INSR: variants seen among roughly 807,000 people sequenced by gnomAD.
INSR encodes the protein IR.
INSR carries 67 observed loss-of-function variants against 142.6 expected under a neutral mutation model. The observed-to-expected ratio is 0.47, with a 90% CI of 0.39 to 0.58. The LOEUF is 0.58. Ranked by LOEUF, INSR falls within the 20% of genes least tolerant of loss-of-function variation. The probability of loss-of-function intolerance (pLI) is 0.00; values close to 1 mark genes in which losing one functional copy is unlikely to be tolerated. For missense variants in INSR, 1,248 were observed against 1,833.2 expected, an observed-to-expected ratio of 0.68 and a Z score of 5.83; for synonymous variants, 756 against 743.1, an observed-to-expected ratio of 1.02 and a Z score of -0.28.
chr19:7,292,817 G>A (rs1178040828), intron 1 of INSR, among the ~76,000 whole-genome samples: 1 of 152,120 alleles, frequency 6.6e-6, no homozygotes, highest in Non-Finnish European at 1.5e-5. Context: ...CGTGGGAGAG[G>A]GGCCCATGGG....
chr19:7,115,939 C>T lies in INSR; in HGVS notation c.*1117G>A, dbSNP rs1330157345. 1.3e-5 allele frequency: 2 copies of T among 152,228 alleles called. No individual in the cohort carries two copies. Among genetic ancestry groups the T allele is most frequent in the Admixed American group, 1.3e-4 (2 of 15,262 alleles). The allele number at this position is 152,228 out of a possible 1,614,324, so 9.4% of individuals were successfully genotyped here. A position where few individuals can be genotyped will look rare whatever the true frequency, so the allele number is the denominator to read the frequency against. On this transcript the variant is annotated 3_prime_UTR_variant, in exon 22 of 22. Coordinates refer to ENST00000302850, the MANE Select transcript of INSR (RefSeq NM_000208.4). ...ACTTGTGCCTGACTCCCTCCCCTTC[C>T]CGGCCCCACAACAGGCAGACCAACT...
At position 7,207,693 on chromosome 19, in the gene INSR, C is replaced by G. The variant is rs976577759; in HGVS notation, c.653-23056G>C. Among the ~76,000 whole-genome samples the G allele has an allele frequency of 3.3e-5, 5 of 151,986 alleles. 1 individual carries two copies. The highest frequency in any genetic ancestry group is 4.1e-4 in the South Asian group (2 of 4,824). Reference sequence around the variant, plus strand: ...ATCCCAGCACTTTGGGAGGCTGAGGCAGGAGGATCGCTTAAGACCAGAAGT... The same window carrying G: ...ATCCCAGCACTTTGGGAGGCTGAGGGAGGAGGATCGCTTAAGACCAGAAGT... On this transcript the variant is annotated intron_variant, in intron 2 of 21. Transcript: ENST00000302850.
intron 3 of INSR, 118 bp from the exon 4 acceptor site, chr19:7,174,849 G>A: frequency 9.7e-7 from 1 of 1,027,644 alleles, no homozygotes; most frequent in Non-Finnish European, 1.4e-6. Context: ...TTGTGTGTGT[G>A]TGTGTGTTTG....
chr19:7,122,212 G>A (rs934386703), intron 19 of INSR, among the ~76,000 whole-genome samples: 32 of 151,556 alleles, frequency 2.1e-4, no homozygotes, highest in African/African-American at 7.8e-4. Flanking sequence ...GGGAGGCCGA[G>A]GCAGGAGGAT....
At chr19:7,239,957 C>T (rs976708083) in intron 2 of INSR, among the ~76,000 whole-genome samples, 10 of 152,050 alleles carry the variant, frequency 6.6e-5, no homozygotes, top group South Asian at 2.1e-4. Context: ...TTTTTTGAGA[C>T]GGAGTCTCAC....
intron 1 of INSR, among the ~76,000 whole-genome samples, chr19:7,281,422 C>T (rs1483824301): frequency 6.6e-6 from 1 of 152,114 alleles, no homozygotes; most frequent in Non-Finnish European, 1.5e-5. Context: ...CATCTGCAAT[C>T]CCAGTGCTTT....
chr19:7,131,199 T>C (rs1326536411), intron 14 of INSR, among the ~76,000 whole-genome samples: 1 of 150,784 alleles, frequency 6.6e-6, no homozygotes, highest in East Asian at 2.0e-4. Flanking sequence ...TTTATTGCAG[T>C]GTAAGTACAG....
intron 2 of INSR, among the ~76,000 whole-genome samples, chr19:7,206,296 T>C (rs1247407572): frequency 6.6e-6 from 1 of 152,038 alleles, no homozygotes; most frequent in African/African-American, 2.4e-5. Flanking sequence ...GCCTCCCAAG[T>C]AGCTGGGACT....
chr19:7,156,786 T>C (rs1235319352), intron 9 of INSR, among the ~76,000 whole-genome samples: 6 of 133,408 alleles, frequency 4.5e-5, no homozygotes, highest in African/African-American at 1.7e-4. Context: ...TTCTCTCTTT[T>C]TTTTTTTTTT....
At chr19:7,130,952 C>T (rs927680349) in intron 14 of INSR, among the ~76,000 whole-genome samples, 4 of 149,130 alleles carry the variant, frequency 2.7e-5, no homozygotes, top group African/African-American at 5.1e-5. Flanking sequence ...GATGTCGGCT[C>T]ACTGCAACCT....
intron 2 of INSR, among the ~76,000 whole-genome samples, chr19:7,204,169 A>C (rs892296603): frequency 1.3e-5 from 2 of 151,938 alleles, no homozygotes; most frequent in African/African-American, 4.8e-5. Flanking sequence ...CAGCCTCCTG[A>C]GTAGCTGGGA....
chr19:7,170,071 A>G (rs1973979287), intron 6 of INSR, among the ~76,000 whole-genome samples: 1 of 152,242 alleles, frequency 6.6e-6, no homozygotes, highest in Admixed American at 6.5e-5. Context: ...GCTGTACAGC[A>G]GGAGGTGAGT....
At position 7,271,222 on chromosome 19, in the gene INSR, A is replaced by G. The variant is rs191790642; in HGVS notation, c.101-3326T>C. Among the ~76,000 whole-genome samples the G allele has an allele frequency of 2.4e-4, 36 of 152,310 alleles. No homozygotes were observed. The East Asian group carries it at 6.2e-3, about 26-fold the overall frequency. On this transcript the variant is annotated intron_variant, in intron 1 of 21. Transcript: ENST00000302850. ...AAGAATGTAAAGAAATGGGCCGGGCACCGTGGCTCACACTTGTAATCCCAG... is the reference window on the plus strand; with the variant it reads ...AAGAATGTAAAGAAATGGGCCGGGCGCCGTGGCTCACACTTGTAATCCCAG...
At chr19:7,233,395 G>A (rs139979867) in intron 2 of INSR, among the ~76,000 whole-genome samples, 4 of 152,188 alleles carry the variant, frequency 2.6e-5, no homozygotes, top group Non-Finnish European at 5.9e-5. Flanking sequence ...GTTAAGCCTG[G>A]TTCCAAACCA....
intron 2 of INSR, among the ~76,000 whole-genome samples, chr19:7,244,564 A>G (rs1352137899): frequency 6.7e-6 from 1 of 148,994 alleles, no homozygotes; most frequent in Non-Finnish European, 1.5e-5. Flanking sequence ...AGCAAATGGA[A>G]AAGGAGATCC....
At chr19:7,273,677 C>G (rs1391096515) in intron 1 of INSR, among the ~76,000 whole-genome samples, 1 of 151,768 alleles carries the variant, frequency 6.6e-6, no homozygotes, top group Non-Finnish European at 1.5e-5. Flanking sequence ...TGCCACCACA[C>G]CTGGCTAATT....
At chr19:7,283,705 G>T (rs1968269009) in intron 1 of INSR, among the ~76,000 whole-genome samples, 2 of 152,176 alleles carry the variant, frequency 1.3e-5, no homozygotes, top group African/African-American at 4.8e-5. Context: ...CTCCCAAAGT[G>T]CTGGGATTAC....
intron 17 of INSR, among the ~76,000 whole-genome samples, chr19:7,123,675 C>T (rs552651358): frequency 5.9e-5 from 9 of 152,080 alleles, no homozygotes; most frequent in Non-Finnish European, 1.3e-4. Context: ...GTAATCCCAG[C>T]ACTTTGGGAG....
intron 13 of INSR, among the ~76,000 whole-genome samples, chr19:7,135,976 A>AAAAAAGAAAG (rs60435269): frequency 6.8e-6 from 1 of 146,524 alleles, no homozygotes; most frequent in African/African-American, 2.6e-5. Flanking sequence ...TCAAAAAAAA[A>AAAAAAGAAAG]AAAGAAAGAA....
Sources: gnomAD v4.1 joint callset for allele counts (sites outside exome capture counted in the v4.1 genomes callset) on GRCh38, gnomAD v4.1.1 for gene constraint, MANE v1.5 for transcripts, NCBI Gene and HGNC (gene_info 2026-07-23, HGNC 2026-07-21) for gene names.